Variants in PDE1C observed in about 807,000 individuals in gnomAD.
The protein encoded by PDE1C is dual specificity calcium/calmodulin-dependent 3',5'-cyclic nucleotide phosphodiesterase 1C.
PDE1C carries 62 observed loss-of-function variants against 93.1 expected under a neutral mutation model. The observed-to-expected ratio is 0.67, with a 90% CI of 0.54 to 0.82. The LOEUF (loss-of-function observed/expected upper bound fraction) is 0.82. PDE1C is among the 40% of genes least tolerant of loss of function. The pLI is 0.00. For synonymous variants in PDE1C, 325 were observed against 310.1 expected, an observed-to-expected ratio of 1.05 and a Z score of -0.50; for missense variants, 742 against 884.6, an observed-to-expected ratio of 0.84 and a Z score of 2.04.
chr7:32,233,403 C>G, intron 1 of PDE1C, among the ~76,000 whole-genome samples: 1 of 152,056 alleles, frequency 6.6e-6, no homozygotes, highest in East Asian at 1.9e-4. Context: ...GTGAGACAGA[C>G]TTTAAAATGA....
intron 11 of PDE1C, among the ~76,000 whole-genome samples, chr7:31,834,932 T>A (rs889376181): frequency 6.6e-6 from 1 of 152,060 alleles, no homozygotes; most frequent in Non-Finnish European, 1.5e-5. Flanking sequence ...AATTCCCACA[T>A]GTTGTGGGAT....
At chr7:31,846,098 T>C (rs1792539317) in intron 9 of PDE1C, among the ~76,000 whole-genome samples, 1 of 152,134 alleles carries the variant, frequency 6.6e-6, no homozygotes, top group Non-Finnish European at 1.5e-5. Context: ...TATTTAGATA[T>C]TTAGATCGTG....
At chr7:31,740,421 T>C in the PDE1C span, among the ~76,000 whole-genome samples, 1 of 152,228 alleles carries the variant, frequency 6.6e-6, no homozygotes, top group African/African-American at 2.4e-5. Flanking sequence ...AGTAAGACTT[T>C]TAGTGCACTT....
In PDE1C at chr7:32,104,254, A is replaced by G. The variant is rs1268600711; in HGVS notation, c.308+65531T>C. ...TCATGAAAGTTCGGACCAGAACTAG[A>G]GAGAATATACTAAGAAGTTTCCAGA... On this transcript the variant is annotated intron_variant, in intron 3 of 18. Coordinates refer to the PDE1C transcript ENST00000396193. 2.6e-5 allele frequency among the ~76,000 whole-genome samples: 4 copies of G among 152,316 alleles called. No homozygotes were observed. The East Asian group carries it at 7.7e-4, about 29-fold the overall frequency.
intron 16 of PDE1C, among the ~76,000 whole-genome samples, chr7:31,803,927 T>G (rs1249188300): frequency 6.6e-6 from 1 of 151,990 alleles, no homozygotes; most frequent in African/African-American, 2.4e-5. Context: ...ATGGGATGGC[T>G]GGGTCAAATG....
chr7:31,781,218 A>C (rs1017472859), intron 16 of PDE1C, among the ~76,000 whole-genome samples: 17 of 152,210 alleles, frequency 1.1e-4, no homozygotes, highest in Admixed American at 9.2e-4. Context: ...AACCTCAAAC[A>C]AATAATTTCC....
chr7:31,680,182 A>G, the PDE1C span, among the ~76,000 whole-genome samples: 1 of 152,252 alleles, frequency 6.6e-6, no homozygotes, highest in Non-Finnish European at 1.5e-5. Context: ...AATGAAAGCC[A>G]CATGGCTCCC....
intron 2 of PDE1C, among the ~76,000 whole-genome samples, chr7:31,919,595 T>G (rs1802357641): frequency 6.6e-6 from 1 of 152,116 alleles, no homozygotes; most frequent in African/African-American, 2.4e-5. Context: ...GAACTTAACC[T>G]GTATTACCCT....
chr7:31,848,877 T>C (rs1467432162), intron 8 of PDE1C, among the ~76,000 whole-genome samples: 4 of 152,160 alleles, frequency 2.6e-5, no homozygotes, highest in African/African-American at 4.8e-5. Context: ...CCACCTGCCA[T>C]TGGCCAAACT....
intron 5 of PDE1C, among the ~76,000 whole-genome samples, chr7:31,874,596 A>G (rs1302243469): frequency 1.3e-5 from 2 of 152,252 alleles, no homozygotes; most frequent in African/African-American, 2.4e-5. Context: ...AAGGCCATCA[A>G]GGGTCTCCCT....
At chr7:32,218,758 T>A (rs545381979) in intron 1 of PDE1C, among the ~76,000 whole-genome samples, 1 of 152,344 alleles carries the variant, frequency 6.6e-6, no homozygotes, top group South Asian at 2.1e-4. Context: ...AAAATTGAAA[T>A]TTACTTATTT....
chr7:32,222,652 T>A (rs550353031), intron 1 of PDE1C, among the ~76,000 whole-genome samples: 1 of 152,332 alleles, frequency 6.6e-6, no homozygotes, highest in East Asian at 1.9e-4. Flanking sequence ...CATTTAAGAA[T>A]AATCTGTCTG....
At chr7:31,767,257 G>C (rs916487207) in intron 17 of PDE1C, among the ~76,000 whole-genome samples, 1 of 152,052 alleles carries the variant, frequency 6.6e-6, no homozygotes, top group Admixed American at 6.6e-5. Context: ...TGCTGATATG[G>C]TTTGGATCTG....
chr7:32,353,869 C>A (rs1417344239), intron 1 of PDE1C, among the ~76,000 whole-genome samples: 1 of 152,026 alleles, frequency 6.6e-6, no homozygotes, highest in African/African-American at 2.4e-5. Flanking sequence ...CCCAGTGTAC[C>A]CAACTGAATA....
the PDE1C span, chr7:31,652,401 A>G: frequency 1.3e-4 from 180 of 1,429,948 alleles, 1 homozygote; most frequent in Middle Eastern, 1.8e-3. Context: ...CTGCTGGCTC[A>G]AAGAGCCCAT....
the PDE1C span, among the ~76,000 whole-genome samples, chr7:31,627,706 A>G: frequency 3.3e-5 from 5 of 151,854 alleles, no homozygotes; most frequent in South Asian, 1.0e-3. Context: ...GTCAGAAATG[A>G]AAGTGACTAA....
chr7:32,096,820 A>AAGACAGAT (rs1554502437), intron 3 of PDE1C, among the ~76,000 whole-genome samples: 2 of 144,482 alleles, frequency 1.4e-5, no homozygotes, highest in African/African-American at 5.2e-5. Flanking sequence ...AGGGGATAGA[A>AAGACAGAT]AGATAGATAG....
At chr7:31,862,760 A>C (rs1464059107) in intron 7 of PDE1C, among the ~76,000 whole-genome samples, 1 of 152,194 alleles carries the variant, frequency 6.6e-6, no homozygotes, top group African/African-American at 2.4e-5. Context: ...AGTCTATAGT[A>C]TCCCATAATA....
In PDE1C at chr7:31,848,074, TATACAGAATAGCTGGA is replaced by T; in HGVS notation, c.858_873del (p.Asp286GlufsTer12). ...TGATTCTCCAGTACAGATCTGTCATTATACAGAATAGCTGGATCAGACCTGAACAGAAAGCCAAGCA... is the reference window on the plus strand; with the variant it reads ...TGATTCTCCAGTACAGATCTGTCATTTCAGACCTGAACAGAAAGCCAAGCA... On this transcript the variant is annotated frameshift_variant, in exon 9 of 18. Transcript: ENST00000396191. LOFTEE classifies it high-confidence loss of function. 6.2e-7 allele frequency: 1 copy of T among 1,612,942 alleles called. No homozygotes were observed. The highest frequency in any genetic ancestry group is 8.5e-7 in the Non-Finnish European group (1 of 1,179,358).
Sources: allele counts gnomAD v4.1 joint callset (sites outside exome capture counted in the v4.1 genomes callset), GRCh38; gene constraint gnomAD v4.1.1; transcripts MANE v1.5; gene names NCBI Gene and HGNC (gene_info 2026-07-23, HGNC 2026-07-21).